Variants in ERC2 observed in about 807,000 individuals in gnomAD.
ERC2 encodes the protein ERC protein 2.
In ERC2, 42 loss-of-function variants were observed where a neutral mutation model predicts 114.8. The ratio of observed to expected loss-of-function variants is 0.37; its 90% confidence interval spans 0.29 to 0.47. The LOEUF is 0.47. Ranked by LOEUF, ERC2 falls within the 20% of genes least tolerant of loss-of-function variation. ERC2 has a pLI of 0.99. For synonymous variants in ERC2, 454 were observed against 425.5 expected (o/e 1.07, Z -0.82); for missense variants, 939 against 1,150.7 (o/e 0.82, Z 2.66).
rs1273565455 is a variant in ERC2, at chr3:56,099,991, G to GA, written c.1474-19008dup. On this transcript the variant is annotated intron_variant, in intron 6 of 17. Transcript: ENST00000288221. ...GCTCTACGAGCACTCTTATTGGGGA[G>GA]AAAAAAAAAGGACTGAGGGGAGGCA... 2.0e-5 allele frequency among the ~76,000 whole-genome samples: 3 copies of GA among 150,188 alleles called. No homozygotes were observed. In the South Asian group the frequency reaches 6.3e-4, roughly 32 times the overall value.
chr3:56,227,558 C>T (rs530284529), intron 3 of ERC2, among the ~76,000 whole-genome samples: 3 of 152,196 alleles, frequency 2.0e-5, no homozygotes, highest in East Asian at 1.9e-4. Flanking sequence ...CCCCTGACTC[C>T]GCTTTGCTTC....
At chr3:56,318,784 A>T (rs906823029) in intron 2 of ERC2, among the ~76,000 whole-genome samples, 1 of 119,932 alleles carries the variant, frequency 8.3e-6, no homozygotes, top group African/African-American at 4.0e-5. Context: ...TGGCTGTTAT[A>T]AAAAAAAAAA....
At position 55,702,114 on chromosome 3, in the gene ERC2, G is replaced by C. The variant is rs17055789; in HGVS notation, c.2713-2602C>G. Among the ~76,000 whole-genome samples, 506 of 152,318 alleles carry C rather than the reference G, an allele frequency of 3.3e-3. 3 individuals carry two copies. Among genetic ancestry groups the C allele is most frequent in the African/African-American group, 0.012 (489 of 41,576 alleles). On this transcript the variant is annotated intron_variant, in intron 15 of 17. Transcript: ENST00000288221. ...TTTGAACTGTATCCCATAAAAGAAT[G>C]TACAAGCTAAACAAGATGCTATATG...
At chr3:55,530,264 A>C (rs2053583942) in intron 17 of ERC2, among the ~76,000 whole-genome samples, 1 of 152,248 alleles carries the variant, frequency 6.6e-6, no homozygotes, top group African/African-American at 2.4e-5. Context: ...AGGGCCAGAC[A>C]GTAAATGTGC....
rs1438662566 is a variant in ERC2, at chr3:55,558,524, A to T, written c.*40-47248T>A. On this transcript the variant is annotated intron_variant, in intron 17 of 17. Transcript: ENST00000288221. ...TTCCTCTTTAGCAATTCATTTCCTG[A>T]AAAGTGGACATGAGGCTGGAGTAAA... Among the ~76,000 whole-genome samples, 3 of 152,360 alleles carry T rather than the reference A, an allele frequency of 2.0e-5. No homozygotes were observed. The East Asian group carries it at 5.8e-4, about 29-fold the overall frequency.
chr3:56,430,407 G>A (rs1376273505), intron 2 of ERC2, among the ~76,000 whole-genome samples: 1 of 152,188 alleles, frequency 6.6e-6, no homozygotes, highest in Non-Finnish European at 1.5e-5. Context: ...TTCTGGCCAG[G>A]TACAGTGGCT....
At chr3:56,085,069 G>A (rs945699735) in intron 6 of ERC2, among the ~76,000 whole-genome samples, 4 of 152,100 alleles carry the variant, frequency 2.6e-5, no homozygotes, top group Non-Finnish European at 5.9e-5. Flanking sequence ...AAAACCAAGA[G>A]GTGTGAACAG....
intron 3 of ERC2, among the ~76,000 whole-genome samples, chr3:56,216,628 C>G (rs1303393503): frequency 1.3e-5 from 2 of 152,200 alleles, no homozygotes; most frequent in Non-Finnish European, 2.9e-5. Context: ...GGAATCCTCC[C>G]TAACTCATTT....
chr3:56,257,225 T>C (rs1283166945), intron 3 of ERC2, among the ~76,000 whole-genome samples: 5 of 152,218 alleles, frequency 3.3e-5, no homozygotes, highest in Non-Finnish European at 7.3e-5. Flanking sequence ...TCTAAAATTG[T>C]GCTTGGTTCA....
intron 3 of ERC2, among the ~76,000 whole-genome samples, chr3:56,292,989 A>G (rs1470143891): frequency 6.6e-6 from 1 of 152,204 alleles, no homozygotes; most frequent in African/African-American, 2.4e-5. Context: ...TTCCCCCAAT[A>G]GAATGTAAGC....
chr3:55,749,871 G>C (rs1323271137), intron 14 of ERC2, among the ~76,000 whole-genome samples: 1 of 152,126 alleles, frequency 6.6e-6, no homozygotes, highest in Non-Finnish European at 1.5e-5. Flanking sequence ...TCACTGCGAA[G>C]GTCTACGACT....
At chr3:55,748,143 C>A (rs1026451127) in intron 14 of ERC2, among the ~76,000 whole-genome samples, 15 of 152,192 alleles carry the variant, frequency 9.9e-5, no homozygotes, top group African/African-American at 3.6e-4. Context: ...GATGGGTGGC[C>A]TTGTGGCTCA....
At position 56,127,737 on chromosome 3, in the gene ERC2, A is replaced by G. The variant is rs533713072; in HGVS notation, c.1473+11772T>C. On this transcript the variant is annotated intron_variant, in intron 6 of 17. Coordinates refer to ENST00000288221, the MANE Select transcript of ERC2 (RefSeq NM_015576.3). ...AACTCTGTCTCAAAAGAAAAAAAAA[A>G]AAAAACCAGCATAGTATTGGCATAA... Among the ~76,000 whole-genome samples, 6 of 152,210 alleles carry G rather than the reference A, an allele frequency of 3.9e-5. No individual in the cohort carries two copies. The East Asian group carries it at 1.2e-3, about 29-fold the overall frequency.
chr3:56,465,604 T>G (rs2063508108), intron 1 of ERC2, among the ~76,000 whole-genome samples: 1 of 152,218 alleles, frequency 6.6e-6, no homozygotes, highest in African/African-American at 2.4e-5. Context: ...AATTGGAAAT[T>G]TAAGGTGTCA....
intron 1 of ERC2, among the ~76,000 whole-genome samples, chr3:56,437,766 G>T (rs759708835): frequency 6.6e-6 from 1 of 152,210 alleles, no homozygotes; most frequent in Non-Finnish European, 1.5e-5. Flanking sequence ...TAAGAATTCG[G>T]TGACATAAAT....
At chr3:55,869,950 C>T (rs965577643) in intron 14 of ERC2, among the ~76,000 whole-genome samples, 1 of 152,046 alleles carries the variant, frequency 6.6e-6, no homozygotes, top group African/African-American at 2.4e-5. Context: ...GAGGAGAGGA[C>T]AGAACTGTCC....
chr3:55,603,502 G>C (rs112076809), intron 17 of ERC2, among the ~76,000 whole-genome samples: 96,295 of 151,436 alleles, frequency 0.64, 32,328 homozygotes, highest in East Asian at 0.85. Flanking sequence ...CGTGGTGGTG[G>C]ACGCCTGTAG....
At chr3:56,459,001 T>A (rs2107558269) in intron 1 of ERC2, among the ~76,000 whole-genome samples, 1 of 152,266 alleles carries the variant, frequency 6.6e-6, no homozygotes, top group East Asian at 1.9e-4. Flanking sequence ...AGAAATTTGA[T>A]GCCCACCAGT....
chr3:55,509,687 G>A lies in ERC2; in HGVS notation c.*1629C>T, dbSNP rs1559571586. ...TTTCATCTTCCCCGACAAATAAGGT[G>A]TTTGTCTTTTAAATATCTCTATGGC... On this transcript the variant is annotated 3_prime_UTR_variant, in exon 18 of 18. Coordinates refer to ENST00000288221, the MANE Select transcript of ERC2 (RefSeq NM_015576.3). The A allele has an allele frequency of 6.6e-6, 1 of 152,590 alleles. No homozygotes were observed. Among genetic ancestry groups the A allele is most frequent in the African/African-American group, 2.4e-5 (1 of 41,448 alleles). The allele number at this position is 152,590 out of a possible 1,614,324, so 9.5% of individuals were successfully genotyped here.
Sources: allele counts gnomAD v4.1 joint callset (sites outside exome capture counted in the v4.1 genomes callset), GRCh38; gene constraint gnomAD v4.1.1; transcripts MANE v1.5; gene names NCBI Gene and HGNC (gene_info 2026-07-23, HGNC 2026-07-21).